Variants in ANKRD11 observed in about 807,000 individuals in gnomAD.
ANKRD11 encodes the protein ankyrin repeat domain 11.
ANKRD11 carries 17 observed loss-of-function variants against 195.7 expected under a neutral mutation model. That is an observed-to-expected ratio of 0.09 (90% CI 0.06 to 0.13). The LOEUF is 0.13. ANKRD11 is among the 10% of genes least tolerant of loss of function. The pLI is 1.00. For missense variants in ANKRD11, 3,735 were observed against 3,566.1 expected (o/e 1.05, Z -1.21); for synonymous variants, 1,953 against 1,528.1 (o/e 1.28, Z -6.49).
chr16:89,425,757 T>G (rs1206678854), intron 1 of ANKRD11, among the ~76,000 whole-genome samples: 1 of 152,078 alleles, frequency 6.6e-6, no homozygotes, highest in Non-Finnish European at 1.5e-5. Flanking sequence ...TGATTTAAAG[T>G]GAAAGAGAAG....
At chr16:89,416,972 A>T (rs1438950125) in intron 2 of ANKRD11, among the ~76,000 whole-genome samples, 1 of 151,960 alleles carries the variant, frequency 6.6e-6, no homozygotes, top group East Asian at 1.9e-4. Context: ...CCACCTCCAG[A>T]TCTTGAAAAA....
At chr16:89,426,768 A>C (rs1228099385) in intron 1 of ANKRD11, among the ~76,000 whole-genome samples, 1 of 152,208 alleles carries the variant, frequency 6.6e-6, no homozygotes, top group Non-Finnish European at 1.5e-5. Flanking sequence ...TGGCCTCACC[A>C]TTTTATGATC....
At chr16:89,407,375 C>T (rs776633053) in intron 2 of ANKRD11, among the ~76,000 whole-genome samples, 1 of 152,032 alleles carries the variant, frequency 6.6e-6, no homozygotes, top group Non-Finnish European at 1.5e-5. Flanking sequence ...AAAGAGACAA[C>T]GAGATAAAAG....
intron 1 of ANKRD11, among the ~76,000 whole-genome samples, chr16:89,484,038 T>C (rs989723860): frequency 3.0e-4 from 45 of 152,116 alleles, no homozygotes; most frequent in African/African-American, 1.1e-3. Context: ...TGTGGAATAC[T>C]AACACTACAA....
At chr16:89,442,876 C>T (rs917828490) in intron 1 of ANKRD11, among the ~76,000 whole-genome samples, 2 of 152,250 alleles carry the variant, frequency 1.3e-5, no homozygotes, top group Non-Finnish European at 2.9e-5. Context: ...CTCCCACGGG[C>T]CCTGACACTG....
intron 1 of ANKRD11, among the ~76,000 whole-genome samples, chr16:89,471,234 A>C (rs900542854): frequency 1.3e-5 from 2 of 152,064 alleles, no homozygotes; most frequent in African/African-American, 4.8e-5. Flanking sequence ...AGCACTATTG[A>C]CCCTCCAAAC....
chr16:89,431,221 G>C (rs1327982297), intron 1 of ANKRD11: 1 of 152,380 alleles, frequency 6.6e-6, no homozygotes, highest in Non-Finnish European at 1.5e-5. Flanking sequence ...AAGCTGGCCG[G>C]TGCGTGCGAC....
intron 2 of ANKRD11, among the ~76,000 whole-genome samples, chr16:89,351,330 T>C (rs966524669): frequency 6.6e-6 from 1 of 152,136 alleles, no homozygotes; most frequent in Admixed American, 6.5e-5. Flanking sequence ...ATGGCATCCA[T>C]GGCCCTAGGG....
chr16:89,421,550 G>A (rs1265465649), intron 1 of ANKRD11, among the ~76,000 whole-genome samples: 7 of 108,114 alleles, frequency 6.5e-5, no homozygotes, highest in African/African-American at 2.7e-4. Flanking sequence ...ACCATCACCC[G>A]TCCATGTCTG....
In ANKRD11 at chr16:89,291,936, A is replaced by T; in HGVS notation, c.227-753T>A. On this transcript the variant is annotated intron_variant, in intron 4 of 12. Transcript: ENST00000301030. The surrounding 1 kb of genome is among the most constrained non-coding windows in gnomAD (Gnocchi z 5.3). ...ACTCACGTGCTGTGTCTTTTAAAAG[A>T]GGCAGGAGGCAGGGGCGGGGAAGAG... 2.3e-6 allele frequency: 1 copy of T among 429,216 alleles called. No individual in the cohort carries two copies. The highest frequency in any genetic ancestry group is 4.5e-6 in the Non-Finnish European group (1 of 224,160). 26.6% of individuals were successfully genotyped at this position (429,216 alleles called of 1,614,324 possible). A position where few individuals can be genotyped will look rare whatever the true frequency, so the allele number is the denominator to read the frequency against.
chr16:89,404,687 T>C (rs1838489745), intron 2 of ANKRD11, among the ~76,000 whole-genome samples: 1 of 152,238 alleles, frequency 6.6e-6, no homozygotes, highest in Non-Finnish European at 1.5e-5. Context: ...CAAAGTGGCA[T>C]GTTCAACCTT....
intron 2 of ANKRD11, among the ~76,000 whole-genome samples, chr16:89,388,315 T>TTTTTTTTTA (rs2041018887): frequency 1.4e-5 from 2 of 145,396 alleles, no homozygotes; most frequent in South Asian, 2.2e-4. Flanking sequence ...TTTTTTTTTT[T>TTTTTTTTTA]GAGACGGAGT....
chr16:89,325,465 T>TCACACACA (rs1279935682), intron 2 of ANKRD11, among the ~76,000 whole-genome samples: 39 of 139,446 alleles, frequency 2.8e-4, no homozygotes, highest in African/African-American at 1.1e-3. Context: ...TCTCTCTCTC[T>TCACACACA]CTCTCACACA....
chr16:89,419,063 A>G (rs1302594076), intron 1 of ANKRD11, among the ~76,000 whole-genome samples: 1 of 152,192 alleles, frequency 6.6e-6, no homozygotes, highest in African/African-American at 2.4e-5. Flanking sequence ...ATTAAGTTTT[A>G]AACTACATAA....
At position 89,279,481 on chromosome 16, in the gene ANKRD11, G is replaced by C. The variant is rs749176560; in HGVS notation, c.7061C>G (p.Pro2354Arg). Residue 2354 changes from proline to arginine, a missense_variant, in exon 9 of 13, where the codon CCC (proline) becomes CGC (arginine). Pro to Arg is a moderately radical substitution (Grantham distance 103). Transcript: ENST00000301030. This position sits in a 1 kb window ranked among gnomAD's most constrained non-coding sequence, Gnocchi z 5.6. ...LANQSKQGPP[P>R]SEKECAPTPA... ...GGTGGGGGCGCACTCCTTCTCGGAG[G>C]GGGGCGGGCCCTGCTTGCTCTGGTT... The C allele has an allele frequency of 9.5e-6, 13 of 1,370,804 alleles. No individual in the cohort carries two copies. Among genetic ancestry groups the C allele is most frequent in the African/African-American group, 2.9e-5 (2 of 69,040 alleles). The allele number at this position is 1,370,804 out of a possible 1,614,324, so 84.9% of individuals were successfully genotyped here.
chr16:89,303,684 C>A (rs1244353850), intron 4 of ANKRD11, among the ~76,000 whole-genome samples: 1 of 152,234 alleles, frequency 6.6e-6, no homozygotes, highest in Non-Finnish European at 1.5e-5. Context: ...AGCAGAGTCT[C>A]CACCTGGCTA....
At chr16:89,400,842 G>A (rs1033027888) in intron 2 of ANKRD11, among the ~76,000 whole-genome samples, 4 of 152,036 alleles carry the variant, frequency 2.6e-5, no homozygotes, top group Non-Finnish European at 2.9e-5. Context: ...GTCATCTGAC[G>A]GGAACCCCTG....
chr16:89,471,900 CA>C (rs1487008145), intron 1 of ANKRD11, among the ~76,000 whole-genome samples: 2 of 151,978 alleles, frequency 1.3e-5, no homozygotes, highest in African/African-American at 4.8e-5. Flanking sequence ...CTTACTCCCC[CA>C]GTTACCAGGT....
chr16:89,466,905 G>C (rs1037617659), intron 1 of ANKRD11, among the ~76,000 whole-genome samples: 1 of 152,212 alleles, frequency 6.6e-6, no homozygotes, highest in Non-Finnish European at 1.5e-5. Flanking sequence ...AGTGGCCGGA[G>C]ATGAAAGCCC....
Sources: allele counts gnomAD v4.1 joint callset (sites outside exome capture counted in the v4.1 genomes callset), GRCh38; gene constraint gnomAD v4.1.1; non-coding constraint Gnocchi (gnomAD v3.1); transcripts MANE v1.5; gene names NCBI Gene and HGNC (gene_info 2026-07-23, HGNC 2026-07-21).